Variants in ZNRF3 observed in about 807,000 individuals in gnomAD.
ZNRF3 encodes E3 ubiquitin-protein ligase ZNRF3.
ZNRF3 carries 23 observed loss-of-function variants against 72.5 expected under a neutral mutation model. That is an observed-to-expected ratio of 0.32 (90% CI 0.23 to 0.45). The LOEUF is 0.45. Ranked by LOEUF, ZNRF3 falls within the 20% of genes least tolerant of loss-of-function variation. The probability of loss-of-function intolerance (pLI) is 1.00; values close to 1 mark genes in which losing one functional copy is unlikely to be tolerated. For missense variants in ZNRF3, 1,169 were observed against 1,272.1 expected, an observed-to-expected ratio of 0.92 and a Z score of 1.23; for synonymous variants, 610 against 545.3, an observed-to-expected ratio of 1.12 and a Z score of -1.65.
chr22:29,049,309 C>G lies in ZNRF3; in HGVS notation c.1128C>G (p.Asn376Lys), dbSNP rs1436547977. The part of the protein sequence containing the change: ...VHYPGRVHRT[N>K]AIPAYPTRTS... ...ACCCCGGCCGCGTGCACAGGACCAA[C>G]GCCATCCCAGCCTACCCTACGAGGA... The change falls in exon 8 of 9, where the codon AAC (asparagine) becomes AAG (lysine). Residue 376 changes from asparagine to lysine, a missense_variant. By Grantham distance (94) the Asn-to-Lys change is moderately conservative. Transcript: ENST00000544604. This position sits in a 1 kb window ranked among gnomAD's most constrained non-coding sequence, Gnocchi z 5.2. 1 of 1,613,948 alleles carries G rather than the reference C, an allele frequency of 6.2e-7. No homozygotes were observed. The highest frequency in any genetic ancestry group is 1.7e-5 in the Admixed American group (1 of 60,024).
At chr22:28,937,593 A>G (rs962325565) in intron 1 of ZNRF3, among the ~76,000 whole-genome samples, 1 of 152,156 alleles carries the variant, frequency 6.6e-6, no homozygotes, top group Non-Finnish European at 1.5e-5. Flanking sequence ...CCCCACCTCT[A>G]GAGTGTCTGA....
intron 2 of ZNRF3, among the ~76,000 whole-genome samples, chr22:29,021,186 G>A (rs527422991): frequency 6.6e-6 from 1 of 151,904 alleles, no homozygotes. Context: ...ATGAGCCAAG[G>A]TTGTGCCATC....
At chr22:28,949,526 C>T (rs1425849518) in intron 1 of ZNRF3, among the ~76,000 whole-genome samples, 1 of 152,146 alleles carries the variant, frequency 6.6e-6, no homozygotes, top group Non-Finnish European at 1.5e-5. Flanking sequence ...GCAATCTTTC[C>T]ACCTTGACCC....
At chr22:29,004,150 C>G (rs980497989) in intron 2 of ZNRF3, among the ~76,000 whole-genome samples, 1 of 152,238 alleles carries the variant, frequency 6.6e-6, no homozygotes, top group Non-Finnish European at 1.5e-5. Context: ...CAGCAAGGCC[C>G]GGCTGAGAAG....
chr22:28,899,462 C>T (rs996383958), intron 1 of ZNRF3, among the ~76,000 whole-genome samples: 6 of 152,116 alleles, frequency 3.9e-5, no homozygotes, highest in African/African-American at 1.2e-4. Context: ...CAAGCCCCGG[C>T]GGATGTGGTT....
At chr22:28,939,809 T>C (rs192747967) in intron 1 of ZNRF3, among the ~76,000 whole-genome samples, 16 of 152,368 alleles carry the variant, frequency 1.1e-4, no homozygotes, top group Non-Finnish European at 2.1e-4. Context: ...TTACATGTTA[T>C]GGTTTTTGAA....
At chr22:28,923,504 C>CT (rs1045602695) in intron 1 of ZNRF3, among the ~76,000 whole-genome samples, 22 of 150,742 alleles carry the variant, frequency 1.5e-4, no homozygotes, top group Middle Eastern at 3.4e-3. Context: ...TCAGAAGTTC[C>CT]TTTTTTTTTC....
Position 29,057,432 on chromosome 22 carries a change from T to A in ZNRF3, c.*3810T>A, listed in dbSNP as rs2037318858. On this transcript the variant is annotated 3_prime_UTR_variant, in exon 9 of 9. Transcript: ENST00000544604. ...CAAGTTGTAGTCTTCTATGGTTTTG[T>A]AACAAATTGTACACATGACTGTAAA... 6.8e-6 allele frequency: 1 copy of A among 148,082 alleles called. No homozygotes were observed. The highest frequency in any genetic ancestry group is 1.5e-5 in the Non-Finnish European group (1 of 67,374). 9.2% of individuals were successfully genotyped at this position (148,082 alleles called of 1,614,324 possible).
chr22:28,969,298 G>A (rs1167298427), intron 1 of ZNRF3, among the ~76,000 whole-genome samples: 2 of 152,070 alleles, frequency 1.3e-5, no homozygotes, highest in Non-Finnish European at 2.9e-5. Flanking sequence ...GCTTTATTCT[G>A]TTCTGTTCTT....
At chr22:28,903,465 G>T (rs963644218) in intron 1 of ZNRF3, among the ~76,000 whole-genome samples, 1 of 152,208 alleles carries the variant, frequency 6.6e-6, no homozygotes, top group Non-Finnish European at 1.5e-5. Context: ...TTGATCCAGC[G>T]TGTGATTTTT....
chr22:29,020,691 A>G (rs1416306414), intron 2 of ZNRF3, among the ~76,000 whole-genome samples: 2 of 151,844 alleles, frequency 1.3e-5, no homozygotes, highest in Non-Finnish European at 2.9e-5. Flanking sequence ...TGCCTCCCAG[A>G]GTCCAGGTGG....
intron 1 of ZNRF3, among the ~76,000 whole-genome samples, chr22:28,942,920 G>A (rs989368589): frequency 1.3e-5 from 2 of 152,120 alleles, no homozygotes; most frequent in African/African-American, 4.8e-5. Context: ...AGGATTGTAT[G>A]CGTACTAAGA....
At chr22:28,892,528 G>A (rs1425925994) in intron 1 of ZNRF3, among the ~76,000 whole-genome samples, 4 of 152,186 alleles carry the variant, frequency 2.6e-5, no homozygotes, top group Admixed American at 1.3e-4. Flanking sequence ...TAACGGAATA[G>A]GAAGGAGGTA....
rs577866233 is a variant in ZNRF3, at chr22:29,050,698, T to C, written c.2517T>C (p.Asp839=). 7.4e-5 allele frequency: 119 copies of C among 1,612,240 alleles called. 1 individual carries two copies. In the South Asian group the frequency reaches 1.3e-3, roughly 17 times the overall value. The change falls in exon 8 of 9, where the codon GAT becomes GAC. Residue 839 remains aspartate, a synonymous_variant. Coordinates refer to ENST00000544604, the MANE Select transcript of ZNRF3 (RefSeq NM_001206998.2). ...IPIIPEDVDC[D]LGLPSDCQGT... ...TCATTCCAGAGGATGTGGACTGTGA[T>C]CTGGGCCTGCCCTCGGACTGCCAAG... is the stretch of plus-strand genomic sequence containing the variant.
chr22:28,889,700 G>A (rs144998863), intron 1 of ZNRF3, among the ~76,000 whole-genome samples: 3 of 152,324 alleles, frequency 2.0e-5, no homozygotes, highest in East Asian at 3.9e-4. Flanking sequence ...TGTGCACTGC[G>A]CAGCATCCTT....
chr22:28,983,746 G>A (rs1271693486), intron 1 of ZNRF3, among the ~76,000 whole-genome samples: 2 of 152,180 alleles, frequency 1.3e-5, no homozygotes, highest in African/African-American at 4.8e-5. Context: ...CTCTCAACGT[G>A]TGTCCCATGA....
chr22:29,039,939 G>A (rs2036930526), intron 2 of ZNRF3, among the ~76,000 whole-genome samples: 1 of 152,128 alleles, frequency 6.6e-6, no homozygotes, highest in Non-Finnish European at 1.5e-5. Context: ...AGGTGACAGA[G>A]TGAAAGCCCA....
intron 2 of ZNRF3, among the ~76,000 whole-genome samples, chr22:29,033,350 CAAAAAAAAAA>C (rs60310622): frequency 3.0e-5 from 2 of 66,140 alleles, no homozygotes; most frequent in African/African-American, 1.3e-4. Flanking sequence ...GACTCCATCT[CAAAAAAAAAA>C]AAAAAAAAAA....
intron 1 of ZNRF3, among the ~76,000 whole-genome samples, chr22:28,954,251 G>A (rs1158616771): frequency 6.6e-6 from 1 of 152,148 alleles, no homozygotes; most frequent in Non-Finnish European, 1.5e-5. Context: ...CTGAGATCAG[G>A]GTGCCAGCAT....
Sources: allele counts gnomAD v4.1 joint callset (sites outside exome capture counted in the v4.1 genomes callset), GRCh38; gene constraint gnomAD v4.1.1; non-coding constraint Gnocchi (gnomAD v3.1); transcripts MANE v1.5; gene names NCBI Gene and HGNC (gene_info 2026-07-23, HGNC 2026-07-21).